RBMS3: variants seen among roughly 807,000 people sequenced by gnomAD.
The protein encoded by RBMS3 is RNA binding motif single stranded interacting protein 3, also known as RNA-binding motif, single-stranded-interacting protein 3.
In RBMS3, 27 loss-of-function variants were observed where a neutral mutation model predicts 66.8. The observed-to-expected ratio is 0.40, with a 90% CI of 0.30 to 0.56. RBMS3 has a LOEUF of 0.56. Among genes scored for constraint, RBMS3 ranks in the 20% least tolerant of loss-of-function variants. The pLI is 0.40. For missense variants in RBMS3, 513 were observed against 549.5 expected (o/e 0.93, Z 0.66); for synonymous variants, 188 against 183.0 (o/e 1.03, Z -0.22).
At chr3:29,413,829 A>T (rs1180977525) in intron 1 of RBMS3, among the ~76,000 whole-genome samples, 1 of 152,188 alleles carries the variant, frequency 6.6e-6, no homozygotes, top group African/African-American at 2.4e-5. Flanking sequence ...TAGATCCTGT[A>T]TGAAATTGGG....
At chr3:29,463,577 A>G (rs1240928190) in intron 2 of RBMS3, among the ~76,000 whole-genome samples, 1 of 151,220 alleles carries the variant, frequency 6.6e-6, no homozygotes, top group African/African-American at 2.4e-5. Context: ...ACTTGTCAAG[A>G]TATCAGAATA....
chr3:29,319,730 C>G (rs1244687863), intron 1 of RBMS3, among the ~76,000 whole-genome samples: 1 of 151,956 alleles, frequency 6.6e-6, no homozygotes, highest in South Asian at 2.1e-4. Flanking sequence ...TTTGCATATT[C>G]TAATACTTCC....
intron 11 of RBMS3, among the ~76,000 whole-genome samples, chr3:29,941,110 T>C (rs956959768): frequency 6.6e-6 from 1 of 152,004 alleles, no homozygotes; most frequent in East Asian, 1.9e-4. Flanking sequence ...AGGTTTTGTA[T>C]CTGCAGTTTG....
chr3:29,462,228 C>G (rs1055740350), intron 2 of RBMS3, among the ~76,000 whole-genome samples: 12 of 152,236 alleles, frequency 7.9e-5, no homozygotes, highest in Middle Eastern at 3.4e-3. Flanking sequence ...TAAGTTAAAT[C>G]TAATTTCTCT....
rs6806660 is a variant in RBMS3, at chr3:29,829,046, C to T, written c.638-39812C>T. ...TCTTTCTTTCTTTCTTTCTTTCTTT[C>T]TTTTGTTTTGTTTTTTGAGACAGAG... On this transcript the variant is annotated intron_variant, in intron 6 of 14. Transcript: ENST00000383767. 2.5e-3 allele frequency among the ~76,000 whole-genome samples: 82 copies of T among 32,540 alleles called. 1 individual carries two copies. Among genetic ancestry groups the T allele is most frequent in the African/African-American group, 3.4e-3 (32 of 9,404 alleles). The allele number at this position is 32,540 out of a possible 152,430, so 21.3% of individuals were successfully genotyped here.
rs935712532 is a variant in RBMS3, at chr3:29,650,141, T to C, written c.399+62936T>C. 2.6e-5 allele frequency among the ~76,000 whole-genome samples: 4 copies of C among 152,328 alleles called. No individual in the cohort carries two copies. In the East Asian group the frequency reaches 5.8e-4, roughly 22 times the overall value. ...GTTACTTGATTTCATTTGAAAAGGA[T>C]TGTCTGAGATATTTTCTTAAAAAGC... On this transcript the variant is annotated intron_variant, in intron 4 of 14. Coordinates refer to ENST00000383767, the MANE Select transcript of RBMS3 (RefSeq NM_001003793.3).
intron 6 of RBMS3, among the ~76,000 whole-genome samples, chr3:29,768,557 GA>G (rs751050481): frequency 3.3e-5 from 5 of 151,890 alleles, no homozygotes; most frequent in Non-Finnish European, 7.4e-5. Flanking sequence ...ATGCAACCTA[GA>G]AGCATCTTAC....
intron 4 of RBMS3, among the ~76,000 whole-genome samples, chr3:29,587,564 G>A (rs1485738477): frequency 6.6e-6 from 1 of 151,688 alleles, no homozygotes; most frequent in Admixed American, 6.6e-5. Context: ...GGGTGTGTCT[G>A]TGTGTATGTG....
Position 29,556,598 on chromosome 3 carries a change from G to A in RBMS3, c.308-30516G>A, listed in dbSNP as rs1050419690. ...AGCCTGGACGACAGAGCAGGACTCCGTCTCAAAAAAAAAAGAAAAAGAAAA... is the reference window on the plus strand; with the variant it reads ...AGCCTGGACGACAGAGCAGGACTCCATCTCAAAAAAAAAAGAAAAAGAAAA... On this transcript the variant is annotated intron_variant, in intron 3 of 14. Coordinates refer to ENST00000383767, the MANE Select transcript of RBMS3 (RefSeq NM_001003793.3). 5.6e-5 allele frequency among the ~76,000 whole-genome samples: 6 copies of A among 106,264 alleles called. No homozygotes were observed. In the East Asian group the frequency reaches 8.4e-4, roughly 15 times the overall value. The allele number at this position is 106,264 out of a possible 152,430, so 69.7% of individuals were successfully genotyped here. A position where few individuals can be genotyped will look rare whatever the true frequency, so the allele number is the denominator to read the frequency against.
intron 3 of RBMS3, among the ~76,000 whole-genome samples, chr3:29,494,870 A>G (rs1046636966): frequency 4.1e-5 from 6 of 147,712 alleles, no homozygotes; most frequent in African/African-American, 1.5e-4. Flanking sequence ...TATTCCGTAG[A>G]AAGTTTCCAT....
At chr3:29,938,437 A>C (rs1254912370) in intron 11 of RBMS3, among the ~76,000 whole-genome samples, 1 of 151,972 alleles carries the variant, frequency 6.6e-6, no homozygotes, top group Non-Finnish European at 1.5e-5. Context: ...ATACATTATA[A>C]GATTTGCATT....
intron 5 of RBMS3, among the ~76,000 whole-genome samples, chr3:29,742,486 A>T (rs1463819625): frequency 6.6e-6 from 1 of 152,132 alleles, no homozygotes; most frequent in East Asian, 1.9e-4. Context: ...GCCTGGTTAT[A>T]CTTTCCATGG....
At chr3:29,892,843 G>GTATGTATGTATT (rs1336972891) in intron 8 of RBMS3, among the ~76,000 whole-genome samples, 6,222 of 137,184 alleles carry the variant, frequency 0.045, 183 homozygotes, top group Non-Finnish European at 0.057. Flanking sequence ...ATGTATGTAT[G>GTATGTATGTATT]TATTTATTTA....
intron 1 of RBMS3, among the ~76,000 whole-genome samples, chr3:29,328,962 T>A (rs1040487912): frequency 1.3e-5 from 2 of 152,112 alleles, no homozygotes; most frequent in African/African-American, 4.8e-5. Flanking sequence ...AAACACTCAT[T>A]TTTGGCTATA....
At chr3:29,897,140 G>T (rs534363483) in intron 8 of RBMS3, among the ~76,000 whole-genome samples, 4 of 151,462 alleles carry the variant, frequency 2.6e-5, no homozygotes, top group Non-Finnish European at 5.9e-5. Context: ...AAACTTATCT[G>T]GCATAAGAAA....
At chr3:29,710,318 A>G (rs894505201) in intron 4 of RBMS3, among the ~76,000 whole-genome samples, 5 of 152,192 alleles carry the variant, frequency 3.3e-5, no homozygotes, top group African/African-American at 9.6e-5. Flanking sequence ...AATAGTAAAT[A>G]ATAATATATC....
In RBMS3 at chr3:29,421,720, G is replaced by GCTA. The variant is rs545020416; in HGVS notation, c.76-13019_76-13017dup. Among the ~76,000 whole-genome samples the GCTA allele has an allele frequency of 3.2e-4, 49 of 152,196 alleles. No homozygotes were observed. The South Asian group carries it at 9.9e-3, about 31-fold the overall frequency. On this transcript the variant is annotated intron_variant, in intron 1 of 14. Coordinates refer to ENST00000383767, the MANE Select transcript of RBMS3 (RefSeq NM_001003793.3). ...GAGAGCATTCTAACTACTATCAGTAGCTACTATTAGTAGCTCCTCTCAGTA... is the reference window on the plus strand; with the variant it reads ...GAGAGCATTCTAACTACTATCAGTAGCTACTACTATTAGTAGCTCCTCTCAGTA...
chr3:29,569,580 A>G (rs1290097831), intron 3 of RBMS3, among the ~76,000 whole-genome samples: 3 of 152,116 alleles, frequency 2.0e-5, no homozygotes, highest in Admixed American at 6.6e-5. Flanking sequence ...TTTGAGATGG[A>G]TCCAACTTAA....
At chr3:29,973,797 C>T (rs571063905) in intron 12 of RBMS3, among the ~76,000 whole-genome samples, 3 of 151,976 alleles carry the variant, frequency 2.0e-5, no homozygotes, top group African/African-American at 4.8e-5. Context: ...CTGATGACCA[C>T]CTCCTTCTTT....
Sources: gnomAD v4.1 joint callset for allele counts (sites outside exome capture counted in the v4.1 genomes callset) on GRCh38, gnomAD v4.1.1 for gene constraint, MANE v1.5 for transcripts, NCBI Gene and HGNC (gene_info 2026-07-23, HGNC 2026-07-21) for gene names.